CAST: variants seen among roughly 807,000 people sequenced by gnomAD.
CAST encodes the protein calpastatin.
In CAST, 76 loss-of-function variants were observed where a neutral mutation model predicts 119.6. The observed-to-expected ratio is 0.64, with a 90% CI of 0.53 to 0.77. CAST has a LOEUF of 0.77. CAST is among the 30% of genes least tolerant of loss of function. The pLI is 0.00. For synonymous variants in CAST, 319 were observed against 331.6 expected, an observed-to-expected ratio of 0.96 and a Z score of 0.41; for missense variants, 953 against 946.5, an observed-to-expected ratio of 1.01 and a Z score of -0.09.
rs557268182 is a variant in CAST at position 96,600,334 on chromosome 5, G to A, written c.60+70454G>A. On this transcript the variant is annotated intron_variant, in intron 1 of 11. Transcript: ENST00000505143. ...ATCAGATTTCTTTGAACTATGGTGG[G>A]CACCTAACCCAAGAGTAGCCAGTCT... 1.4e-4 allele frequency among the ~76,000 whole-genome samples: 22 copies of A among 152,280 alleles called. No individual in the cohort carries two copies. The South Asian group carries it at 2.3e-3, about 16-fold the overall frequency.
intron 1 of CAST, among the ~76,000 whole-genome samples, chr5:96,649,946 A>G (rs1443711645): frequency 6.6e-6 from 1 of 152,222 alleles, no homozygotes; most frequent in African/African-American, 2.4e-5. Context: ...ACACTATTCT[A>G]AAAGTTTTAC....
chr5:96,275,223 A>T, the CAST span, among the ~76,000 whole-genome samples: 1 of 152,242 alleles, frequency 6.6e-6, no homozygotes, highest in Non-Finnish European at 1.5e-5. Flanking sequence ...CCCCAGATGT[A>T]CAAAGTCTAT....
chr5:96,305,811 T>C, the CAST span, among the ~76,000 whole-genome samples: 2 of 152,170 alleles, frequency 1.3e-5, no homozygotes, highest in African/African-American at 2.4e-5. Flanking sequence ...GCTGACTTGA[T>C]TGTGGTGGAT....
chr5:96,423,930 C>T, the CAST span, among the ~76,000 whole-genome samples: 1 of 152,266 alleles, frequency 6.6e-6, no homozygotes, highest in East Asian at 1.9e-4. Flanking sequence ...AAAGCAGAAC[C>T]TGGAATGCTC....
At chr5:96,436,034 C>T in the CAST span, among the ~76,000 whole-genome samples, 1 of 152,134 alleles carries the variant, frequency 6.6e-6, no homozygotes, top group Non-Finnish European at 1.5e-5. Flanking sequence ...AATAATATTC[C>T]TAGATCTTCA....
At chr5:96,449,110 T>A in the CAST span, among the ~76,000 whole-genome samples, 4,851 of 152,286 alleles carry the variant, frequency 0.032, 234 homozygotes, top group African/African-American at 0.11. Flanking sequence ...TTTTCTTGAT[T>A]GTTTTAGTTT....
At chr5:96,442,634 C>T in the CAST span, among the ~76,000 whole-genome samples, 1 of 152,206 alleles carries the variant, frequency 6.6e-6, no homozygotes, top group East Asian at 1.9e-4. Context: ...GATTAAGTAT[C>T]AAGGTAGTTT....
At chr5:96,298,400 G>A in the CAST span, among the ~76,000 whole-genome samples, 1 of 152,034 alleles carries the variant, frequency 6.6e-6, no homozygotes, top group African/African-American at 2.4e-5. Flanking sequence ...TCATTAACAC[G>A]GGATAAGAGT....
chr5:96,037,442 G>A, the CAST span, among the ~76,000 whole-genome samples: 1 of 152,044 alleles, frequency 6.6e-6, no homozygotes, highest in East Asian at 1.9e-4. Context: ...TATCTGTGTG[G>A]GGCAACATTT....
the CAST span, among the ~76,000 whole-genome samples, chr5:95,967,699 C>T: frequency 6.6e-6 from 1 of 152,142 alleles, no homozygotes; most frequent in Non-Finnish European, 1.5e-5. Context: ...GTGTTTGCTT[C>T]CCCTTCCACC....
intron 1 of CAST, among the ~76,000 whole-genome samples, chr5:96,634,557 G>A (rs548013330): frequency 2.5e-4 from 38 of 152,314 alleles, no homozygotes; most frequent in African/African-American, 8.2e-4. Context: ...GAGGACAGGA[G>A]CAGCCTCATT....
At chr5:96,498,904 A>G in the CAST span, among the ~76,000 whole-genome samples, 2 of 152,196 alleles carry the variant, frequency 1.3e-5, no homozygotes, top group East Asian at 3.9e-4. Context: ...CAAGACCACT[A>G]TGGAGGACCA....
chr5:96,566,676 T>C (rs138191116), intron 1 of CAST, among the ~76,000 whole-genome samples: 1 of 152,230 alleles, frequency 6.6e-6, no homozygotes, highest in African/African-American at 2.4e-5. Flanking sequence ...AGTCTAAAAC[T>C]AAAGGAGGGG....
At chr5:96,687,352 T>C (rs930437110) in intron 2 of CAST, among the ~76,000 whole-genome samples, 1 of 152,214 alleles carries the variant, frequency 6.6e-6, no homozygotes, top group Non-Finnish European at 1.5e-5. Context: ...TAGAATTTAG[T>C]CAAGGAGAGA....
chr5:96,643,253 T>C (rs567301891), intron 1 of CAST, among the ~76,000 whole-genome samples: 1 of 152,398 alleles, frequency 6.6e-6, no homozygotes, highest in Non-Finnish European at 1.5e-5. Context: ...TTACTTTTGC[T>C]ATCTGTTCTT....
intron 1 of CAST, among the ~76,000 whole-genome samples, chr5:96,616,795 CAT>C (rs1208864674): frequency 2.6e-4 from 35 of 135,428 alleles, no homozygotes; most frequent in East Asian, 1.5e-3. Flanking sequence ...CACACACACA[CAT>C]ATACATATAC....
the CAST span, among the ~76,000 whole-genome samples, chr5:96,345,440 T>C: frequency 6.6e-6 from 1 of 152,206 alleles, no homozygotes; most frequent in African/African-American, 2.4e-5. Flanking sequence ...CGACTTAGCA[T>C]TGGGCTCCAT....
At chr5:96,058,174 G>C in the CAST span, among the ~76,000 whole-genome samples, 1 of 152,066 alleles carries the variant, frequency 6.6e-6, no homozygotes, top group Non-Finnish European at 1.5e-5. Flanking sequence ...TGGGAAATTA[G>C]AGACTGAGGC....
chr5:96,470,814 C>T, the CAST span, among the ~76,000 whole-genome samples: 1 of 152,018 alleles, frequency 6.6e-6, no homozygotes, highest in African/African-American at 2.4e-5. Flanking sequence ...TCCAGCTTAC[C>T]TTAAGAGTCA....
Sources: allele counts gnomAD v4.1 joint callset (sites outside exome capture counted in the v4.1 genomes callset), GRCh38; gene constraint gnomAD v4.1.1; transcripts MANE v1.5; gene names NCBI Gene and HGNC (gene_info 2026-07-23, HGNC 2026-07-21).